The following MROH9 variants were observed in gnomAD, a reference collection of about 807,000 sequenced individuals.
MROH9 encodes maestro heat like repeat family member 9.
Under a neutral mutation model 98.2 loss-of-function variants are expected in MROH9, and 92 were observed. That is an observed-to-expected ratio of 0.94 (90% confidence interval 0.79 to 1.11). The LOEUF (loss-of-function observed/expected upper bound fraction) is 1.11, where lower values mean the gene tolerates loss of function less well. MROH9 is among the 50% of genes most tolerant of loss of function. The pLI is 0.00. For missense variants in MROH9, 1,057 were observed against 1,014.8 expected, an observed-to-expected ratio of 1.04 and a Z score of -0.57; for synonymous variants, 397 against 368.9, an observed-to-expected ratio of 1.08 and a Z score of -0.87.
At chr1:170,988,207 C>T (rs1215377670) in intron 10 of MROH9, among the ~76,000 whole-genome samples, 1 of 152,168 alleles carries the variant, frequency 6.6e-6, no homozygotes, top group African/African-American at 2.4e-5. Flanking sequence ...TGAAACCAGT[C>T]CTGATGGTGA....
chr1:170,953,002 T>C (rs1649615115), intron 3 of MROH9, among the ~76,000 whole-genome samples: 1 of 152,098 alleles, frequency 6.6e-6, no homozygotes, highest in Non-Finnish European at 1.5e-5. Flanking sequence ...TATTAGCTAC[T>C]TTTAATTATT....
At chr1:170,955,778 T>C (rs1196557974) in intron 3 of MROH9, among the ~76,000 whole-genome samples, 1 of 152,256 alleles carries the variant, frequency 6.6e-6, no homozygotes, top group African/African-American at 2.4e-5. Flanking sequence ...CTGTTTACTC[T>C]GCTGACTGTT....
At chr1:170,973,802 G>A (rs28628812) in intron 8 of MROH9, among the ~76,000 whole-genome samples, 50,096 of 152,074 alleles carry the variant, frequency 0.33, 8,350 homozygotes, top group Middle Eastern at 0.46. Flanking sequence ...TTGAACCTGG[G>A]AGGCAGAGGT....
At chr1:171,041,790 G>A (rs1228815311) in intron 20 of MROH9, among the ~76,000 whole-genome samples, 1 of 151,862 alleles carries the variant, frequency 6.6e-6, no homozygotes, top group Non-Finnish European at 1.5e-5. Context: ...GTATCTCATT[G>A]TAGTTTTAAT....
At chr1:170,991,235 G>A (rs923449556) in intron 11 of MROH9, among the ~76,000 whole-genome samples, 1 of 152,100 alleles carries the variant, frequency 6.6e-6, no homozygotes, top group African/African-American at 2.4e-5. Flanking sequence ...AGGTAGAAAA[G>A]GCCAGGATTT....
chr1:170,952,076 C>T (rs556555458), intron 3 of MROH9, among the ~76,000 whole-genome samples: 31 of 150,954 alleles, frequency 2.1e-4, no homozygotes, highest in South Asian at 1.5e-3. Context: ...GTTAGAATGG[C>T]ACTCATTAAA....
At chr1:171,051,807 T>A (rs529614360) in intron 20 of MROH9, among the ~76,000 whole-genome samples, 32 of 152,316 alleles carry the variant, frequency 2.1e-4, no homozygotes, top group Admixed American at 3.9e-4. Flanking sequence ...TAGTGGTCTG[T>A]CATTTTCTTT....
intron 20 of MROH9, among the ~76,000 whole-genome samples, chr1:171,028,800 G>T (rs924868542): frequency 6.6e-6 from 1 of 152,136 alleles, no homozygotes; most frequent in African/African-American, 2.4e-5. Context: ...ATGAATGGGA[G>T]TTCACTCATG....
In MROH9 at chr1:170,958,670, A is replaced by G. The variant is rs150466595; in HGVS notation, c.152+130A>G. The G allele has an allele frequency of 6.0e-4, 356 of 591,778 alleles. 4 individuals are homozygous for G. Among genetic ancestry groups the G allele is most frequent in the African/African-American group, 4.9e-3 (262 of 53,800 alleles). 36.7% of individuals were successfully genotyped at this position (591,778 alleles called of 1,614,324 possible). On this transcript the variant is annotated intron_variant, in intron 4 of 21. Coordinates refer to ENST00000367759, the MANE Select transcript of MROH9 (RefSeq NM_001163629.2). The stretch of plus-strand genomic sequence containing the variant: ...TCACCATCATAATTTGGTGACTACT[A>G]TTTCTTTCTTATACTCTTTCCCAGT...
At chr1:170,939,912 T>C (rs1470653877) in intron 1 of MROH9, among the ~76,000 whole-genome samples, 1 of 152,190 alleles carries the variant, frequency 6.6e-6, no homozygotes, top group Non-Finnish European at 1.5e-5. Context: ...TGCCAAAGGC[T>C]GAAAAGAGCA....
chr1:170,989,915 G>A lies in MROH9; in HGVS notation c.940G>A (p.Val314Ile). 1.9e-6 allele frequency: 3 copies of A among 1,613,226 alleles called. No homozygotes were observed. The highest frequency in any genetic ancestry group is 2.5e-6 in the Non-Finnish European group (3 of 1,179,352). The change falls in exon 11 of 22, where the codon GTT (valine) becomes ATT (isoleucine). Residue 314 changes from valine (V) to isoleucine (I), a missense_variant. By Grantham distance (29) the Val-to-Ile change is conservative. Coordinates refer to ENST00000367759, the MANE Select transcript of MROH9 (RefSeq NM_001163629.2). ...QLCDNNCMKD[V>I]MLQVITLLTC... ...GTGTGATAACAATTGTATGAAGGAT[G>A]TTATGTTGCAGGTTATCACTTTGTT...
intron 10 of MROH9, among the ~76,000 whole-genome samples, chr1:170,989,445 A>G (rs1651268277): frequency 6.6e-6 from 1 of 152,180 alleles, no homozygotes; most frequent in Non-Finnish European, 1.5e-5. Flanking sequence ...CAATATGTGG[A>G]TTCAAATCGT....
chr1:170,988,721 T>A (rs557056205), intron 10 of MROH9, among the ~76,000 whole-genome samples: 1 of 152,254 alleles, frequency 6.6e-6, no homozygotes, highest in East Asian at 1.9e-4. Context: ...ATCCCCCAAA[T>A]TGCATATACA....
chr1:170,990,143 C>A, intron 11 of MROH9, 140 bp downstream of exon 11: 1 of 832,748 alleles, frequency 1.2e-6, no homozygotes, highest in Non-Finnish European at 1.8e-6. Context: ...ATTTTTGCAC[C>A]ATGTGGGATA....
At chr1:170,990,040 C>T in intron 11 of MROH9, 37 bp downstream of exon 11, 3 of 1,575,184 alleles carry the variant, frequency 1.9e-6, no homozygotes, top group Non-Finnish European at 2.6e-6. Context: ...TCCACAAGGG[C>T]TTGTTCACAG....
rs754332732 is a variant in MROH9, at chr1:171,044,972, C to CTTTTTTTTTTTTTTTTTTTT, written c.2282-17132_2282-17113dup. On this transcript the variant is annotated intron_variant, in intron 20 of 21. Coordinates refer to ENST00000367759, the MANE Select transcript of MROH9 (RefSeq NM_001163629.2). ...CAATTCCATTTATTTCTGCTCTGAT[C>CTTTTTTTTTTTTTTTTTTTT]TTTTTTTTTTTTTTTTTTTTTTTTT... Among the ~76,000 whole-genome samples the CTTTTTTTTTTTTTTTTTTTT allele has an allele frequency of 1.4e-3, 64 of 45,712 alleles. 19 individuals are homozygous for CTTTTTTTTTTTTTTTTTTTT. The highest frequency in any genetic ancestry group is 1.6e-3 in the Admixed American group (5 of 3,156). The allele number at this position is 45,712 out of a possible 152,430, so 30.0% of individuals were successfully genotyped here. A position where few individuals can be genotyped will look rare whatever the true frequency, so the allele number is the denominator to read the frequency against.
At chr1:171,021,648 C>A (rs142155100) in intron 17 of MROH9, among the ~76,000 whole-genome samples, 66 of 152,194 alleles carry the variant, frequency 4.3e-4, no homozygotes, top group Non-Finnish European at 9.1e-4. Context: ...ACCATACAAA[C>A]CCTCGAAGAA....
intron 15 of MROH9, 76 bp from the exon 16 acceptor site, chr1:171,014,041 A>G (rs1652247711): frequency 6.4e-6 from 8 of 1,250,912 alleles, no homozygotes; most frequent in South Asian, 1.4e-5. Context: ...TTTACCTAGA[A>G]TATCTTGATT....
At chr1:170,936,332 T>G (rs963024374) in intron 1 of MROH9, among the ~76,000 whole-genome samples, 2 of 152,144 alleles carry the variant, frequency 1.3e-5, no homozygotes, top group African/African-American at 4.8e-5. Flanking sequence ...GTTCTGAGGA[T>G]CTGAGAACCA....
Sources: gnomAD v4.1 joint callset for allele counts (sites outside exome capture counted in the v4.1 genomes callset) on GRCh38, gnomAD v4.1.1 for gene constraint, MANE v1.5 for transcripts, NCBI Gene and HGNC (gene_info 2026-07-23, HGNC 2026-07-21) for gene names.